SGK1: variants seen among roughly 807,000 people sequenced by gnomAD.
SGK1 encodes the protein serine/threonine-protein kinase Sgk1.
In SGK1, 26 loss-of-function variants were observed where a neutral mutation model predicts 64.2. The observed-to-expected ratio is 0.40, with a 90% confidence interval of 0.30 to 0.56. The LOEUF (loss-of-function observed/expected upper bound fraction) is 0.56, where lower values mean the gene tolerates loss of function less well. Ranked by LOEUF, SGK1 falls within the 20% of genes least tolerant of loss-of-function variation. The pLI, the probability that SGK1 is intolerant of heterozygous loss-of-function variation, is 0.38. For synonymous variants in SGK1, 265 were observed against 239.7 expected (o/e 1.11, Z -0.98); for missense variants, 519 against 645.6 (o/e 0.80, Z 2.12).
intron 3 of SGK1, among the ~76,000 whole-genome samples, chr6:134,185,552 A>AG (rs1413421183): frequency 4.7e-4 from 31 of 66,574 alleles, no homozygotes; most frequent in Non-Finnish European, 9.2e-4. Context: ...TCATATCTCT[A>AG]TGAGTGTGTG....
Position 134,171,194 on chromosome 6 carries a change from A to C in SGK1, c.1168-16T>G. 1 of 1,613,474 alleles carries C rather than the reference A, an allele frequency of 6.2e-7. No individual in the cohort carries two copies. Among genetic ancestry groups the C allele is most frequent in the Non-Finnish European group, 8.5e-7 (1 of 1,179,516 alleles). ...AAAAAGGCGGCTGAAAGAAGGGGAAAATTACTTTAGACTTAATTGGAAGTT... is the reference window on the plus strand; with the variant it reads ...AAAAAGGCGGCTGAAAGAAGGGGAACATTACTTTAGACTTAATTGGAAGTT... On this transcript the variant is annotated splice_polypyrimidine_tract_variant and intron_variant, in intron 11 of 13. Coordinates refer to ENST00000367858, the MANE Select transcript of SGK1 (RefSeq NM_001143676.3).
intron 1 of SGK1, among the ~76,000 whole-genome samples, chr6:134,264,836 C>T (rs888312185): frequency 1.3e-5 from 2 of 151,942 alleles, no homozygotes; most frequent in Non-Finnish European, 2.9e-5. Flanking sequence ...TTTGTAGAGA[C>T]AGGGTCTTGC....
intron 13 of SGK1, 28 bp from the exon 14 acceptor site, chr6:134,170,463 G>C: frequency 6.3e-7 from 1 of 1,597,256 alleles, no homozygotes; most frequent in Non-Finnish European, 8.6e-7. Context: ...AAACACTCTT[G>C]TCAAGAACTC....
At position 134,170,425 on chromosome 6, in the gene SGK1, T is replaced by C; in HGVS notation, c.1424A>G (p.Asn475Ser). The C allele has an allele frequency of 2.5e-6, 4 of 1,612,500 alleles. No individual in the cohort carries two copies. The highest frequency in any genetic ancestry group is 3.4e-6 in the Non-Finnish European group (4 of 1,178,768). Residue 475 changes from asparagine to serine, a missense_variant, in exon 14 of 14, where the codon AAC becomes AGC. Coordinates refer to ENST00000367858, the MANE Select transcript of SGK1 (RefSeq NM_001143676.3). ...CTCGGGGTCAAAGTGCCGTAGGTCG[T>C]TGGGCCCACTCTGTGACGGGAAGGG... ...PPFNPNVSGP[N>S]DLRHFDPEFT...
intron 3 of SGK1, among the ~76,000 whole-genome samples, chr6:134,205,603 G>A (rs147159539): frequency 1.3e-5 from 2 of 152,258 alleles, no homozygotes; most frequent in African/African-American, 4.8e-5. Flanking sequence ...TATAGAACTG[G>A]GCAGTCCACT....
intron 1 of SGK1, among the ~76,000 whole-genome samples, chr6:134,313,909 AC>A (rs1242067904): frequency 2.0e-5 from 3 of 152,230 alleles, no homozygotes; most frequent in African/African-American, 7.2e-5. Context: ...AAAATGGATT[AC>A]CTTTAGCTGG....
intron 1 of SGK1, among the ~76,000 whole-genome samples, chr6:134,262,684 G>A (rs1477849292): frequency 6.6e-6 from 1 of 151,898 alleles, no homozygotes; most frequent in Admixed American, 6.6e-5. Flanking sequence ...GGGTGACAGA[G>A]CAAGACTGTC....
intron 2 of SGK1, among the ~76,000 whole-genome samples, chr6:134,210,522 T>G (rs1215660357): frequency 1.3e-5 from 2 of 151,996 alleles, no homozygotes. Context: ...ATTACTATAT[T>G]GTGCACTTGA....
At position 134,172,656 on chromosome 6, in the gene SGK1, G is replaced by A; in HGVS notation, c.947+6C>T. The stretch of plus-strand genomic sequence containing the variant: ...AACTGGTAGCCTGAAGAGCTCTCAG[G>A]CTTACCTATAAACGATGTTCAGTGA... On this transcript the variant is annotated splice_donor_region_variant and intron_variant, in intron 9 of 13. Coordinates refer to ENST00000367858, the MANE Select transcript of SGK1 (RefSeq NM_001143676.3). 1 of 1,577,844 alleles carries A rather than the reference G, an allele frequency of 6.3e-7. No homozygotes were observed. The highest frequency in any genetic ancestry group is 8.7e-7 in the Non-Finnish European group (1 of 1,146,848).
intron 2 of SGK1, among the ~76,000 whole-genome samples, chr6:134,254,127 T>TTAA (rs1562265566): frequency 2.3e-5 from 3 of 128,456 alleles, no homozygotes; most frequent in Admixed American, 7.8e-5. Flanking sequence ...TTTTTTTTTT[T>TTAA]CAAAAAAAAA....
intron 1 of SGK1, among the ~76,000 whole-genome samples, chr6:134,304,333 A>C (rs1477292087): frequency 6.6e-6 from 1 of 152,176 alleles, no homozygotes; most frequent in Non-Finnish European, 1.5e-5. Context: ...TAGTAACATA[A>C]ATTTAGTAGA....
chr6:134,303,203 C>T (rs919776050), intron 1 of SGK1, among the ~76,000 whole-genome samples: 1 of 151,896 alleles, frequency 6.6e-6, no homozygotes, highest in Non-Finnish European at 1.5e-5. Flanking sequence ...TCCATCCTGG[C>T]TAACACGGTG....
At chr6:134,309,321 C>A (rs117872523) in intron 1 of SGK1, among the ~76,000 whole-genome samples, 2 of 152,188 alleles carry the variant, frequency 1.3e-5, no homozygotes, top group East Asian at 1.9e-4. Context: ...AGGAGGCCAA[C>A]GCAGCACCGA....
intron 1 of SGK1, among the ~76,000 whole-genome samples, chr6:134,314,643 G>T (rs2114805926): frequency 6.6e-6 from 1 of 152,266 alleles, no homozygotes; most frequent in East Asian, 1.9e-4. Context: ...AATAAATAGT[G>T]ACTGACAGAC....
intron 5 of SGK1, 58 bp from the exon 6 acceptor site, chr6:134,173,624 T>C (rs1267754083): frequency 5.1e-6 from 6 of 1,172,986 alleles, no homozygotes; most frequent in South Asian, 1.4e-5. Flanking sequence ...AAGACATCTA[T>C]AACATAAACG....
At chr6:134,247,071 G>T (rs974637871) in intron 2 of SGK1, among the ~76,000 whole-genome samples, 1 of 151,898 alleles carries the variant, frequency 6.6e-6, no homozygotes, top group African/African-American at 2.4e-5. Flanking sequence ...GGCTGACAAA[G>T]TATTGACGGG....
At chr6:134,262,613 C>T (rs146501583) in intron 1 of SGK1, among the ~76,000 whole-genome samples, 1 of 151,782 alleles carries the variant, frequency 6.6e-6, no homozygotes. Flanking sequence ...TTGGGAGAAT[C>T]GCTTGAACCT....
At position 134,179,948 on chromosome 6, in the gene SGK1, T is replaced by TTTTG. The variant is rs535121177; in HGVS notation, c.362-5366_362-5363dup. On this transcript the variant is annotated intron_variant, in intron 3 of 13. Coordinates refer to ENST00000367858, the MANE Select transcript of SGK1 (RefSeq NM_001143676.3). Reference sequence around the variant, plus strand: ...TGACATGGGAGGAATGAGAAGCTTTTTTTGTTTGTTTGTTTTTGTTTTTGA... The same window carrying TTTTG: ...TGACATGGGAGGAATGAGAAGCTTTTTTTGTTTGTTTGTTTGTTTTTGTTTTTGA... Among the ~76,000 whole-genome samples, 431 of 152,144 alleles carry TTTTG rather than the reference T, an allele frequency of 2.8e-3. 2 individuals carry two copies. Among genetic ancestry groups the TTTTG allele is most frequent in the Non-Finnish European group, 3.7e-3 (250 of 67,976 alleles).
chr6:134,237,554 G>A (rs1371389226), intron 2 of SGK1, among the ~76,000 whole-genome samples: 1 of 152,072 alleles, frequency 6.6e-6, no homozygotes, highest in East Asian at 1.9e-4. Context: ...GCATGCGCCT[G>A]TGATCCCAGC....
Sources: gnomAD v4.1 joint callset for allele counts (sites outside exome capture counted in the v4.1 genomes callset) on GRCh38, gnomAD v4.1.1 for gene constraint, MANE v1.5 for transcripts, NCBI Gene and HGNC (gene_info 2026-07-23, HGNC 2026-07-21) for gene names.